ABL1: variants seen among roughly 807,000 people sequenced by gnomAD.
The protein encoded by ABL1 is tyrosine-protein kinase ABL1.
ABL1 carries 11 observed loss-of-function variants against 94.7 expected under a neutral mutation model. The ratio of observed to expected loss-of-function variants is 0.12; its 90% CI spans 0.07 to 0.19. The LOEUF is 0.19. Ranked by LOEUF, ABL1 falls within the 10% of genes least tolerant of loss-of-function variation. The pLI is 1.00. For missense variants in ABL1, 1,082 were observed against 1,489.4 expected (o/e 0.73, Z 4.50); for synonymous variants, 656 against 622.4 (o/e 1.05, Z -0.80).
intron 1 of ABL1, among the ~76,000 whole-genome samples, chr9:130,803,188 C>T (rs1288844707): frequency 3.9e-5 from 6 of 152,216 alleles, no homozygotes; most frequent in Admixed American, 2.0e-4. Flanking sequence ...TACAGGCCCG[C>T]ACCACCACGC....
rs1830934537 is a variant in ABL1 at position 130,854,113 on chromosome 9, T to C, written c.129T>C (p.Ser43=). 1.2e-6 allele frequency: 2 copies of C among 1,614,146 alleles called. No homozygotes were observed. The highest frequency in any genetic ancestry group is 1.7e-6 in the Non-Finnish European group (2 of 1,180,014). The part of the protein sequence containing the change: ...VASDFEPQGL[S]EAARWNSKEN... ...CTGACTTTGAGCCTCAGGGTCTGAG[T>C]GAAGCCGCTCGTTGGAACTCCAAGG... Residue 43 remains serine, a synonymous_variant, in exon 2 of 11, where the codon AGT becomes AGC. Transcript: ENST00000318560.
chr9:130,867,435 C>A (rs181552413), intron 4 of ABL1, among the ~76,000 whole-genome samples: 141 of 152,332 alleles, frequency 9.3e-4, no homozygotes, highest in African/African-American at 3.3e-3. Context: ...CAGTGATTCC[C>A]CTCATTTGCA....
intron 6 of ABL1, among the ~76,000 whole-genome samples, chr9:130,874,283 T>C (rs1831304971): frequency 6.6e-6 from 1 of 150,764 alleles, no homozygotes. Context: ...CAGGAGAGAG[T>C]TTTTTAGGAT....
rs2133035347 is a variant in ABL1, at chr9:130,884,252, T to G, written c.1962T>G (p.Ala654=). 1 of 1,599,886 alleles carries G rather than the reference T, an allele frequency of 6.3e-7. No homozygotes were observed. The highest frequency in any genetic ancestry group is 8.5e-7 in the Non-Finnish European group (1 of 1,173,378). ...TGGCTTTCACCCCCTTGGACACAGC[T>G]GACCCAGCCAAGTCCCCAAAGCCCA... The part of the protein sequence containing the change: ...GALAFTPLDT[A]DPAKSPKPSN... The change falls in exon 11 of 11, where the codon GCT becomes GCG. Residue 654 remains alanine (A), a synonymous_variant. Coordinates refer to ENST00000318560, the MANE Select transcript of ABL1 (RefSeq NM_005157.6). This position sits in a 1 kb window ranked among gnomAD's most constrained non-coding sequence, Gnocchi z 5.6.
At chr9:130,875,811 CCTCTCCCTCCCCTCCT>C (rs1024261522) in intron 7 of ABL1, among the ~76,000 whole-genome samples, 9 of 152,042 alleles carry the variant, frequency 5.9e-5, no homozygotes, top group Non-Finnish European at 1.2e-4. Context: ...CCTTTCCTCC[CCTCTCCCTCCCCTCCT>C]CTCTTCTCCT....
At chr9:130,836,026 C>T (rs1830576278) in intron 1 of ABL1, among the ~76,000 whole-genome samples, 1 of 152,260 alleles carries the variant, frequency 6.6e-6, no homozygotes, top group African/African-American at 2.4e-5. Context: ...ATGCGATTTC[C>T]ATTAAGCATC....
At chr9:130,727,499 A>G (rs981151244) in intron 1 of ABL1, among the ~76,000 whole-genome samples, 4 of 152,196 alleles carry the variant, frequency 2.6e-5, no homozygotes, top group African/African-American at 9.6e-5. Context: ...GTGGTGGCAC[A>G]CGCCTGTAAT....
At chr9:130,867,027 CT>C (rs201374636) in intron 4 of ABL1, among the ~76,000 whole-genome samples, 1 of 152,070 alleles carries the variant, frequency 6.6e-6, no homozygotes, top group African/African-American at 2.4e-5. Flanking sequence ...ACATCAGTGT[CT>C]TTTTTTTCTA....
chr9:130,719,684 A>G (rs957935662), intron 1 of ABL1, among the ~76,000 whole-genome samples: 1 of 152,222 alleles, frequency 6.6e-6, no homozygotes, highest in African/African-American at 2.4e-5. Flanking sequence ...CTAAGGGAAT[A>G]CCATGTTATT....
At chr9:130,813,579 A>AAAAAAAG (rs1564297986) in intron 1 of ABL1, among the ~76,000 whole-genome samples, 2 of 151,278 alleles carry the variant, frequency 1.3e-5, no homozygotes, top group African/African-American at 4.9e-5. Context: ...AAAAAAAAAA[A>AAAAAAAG]AAAAAAGAAA....
chr9:130,881,629 G>A (rs1032925351), intron 10 of ABL1, among the ~76,000 whole-genome samples: 11 of 152,118 alleles, frequency 7.2e-5, no homozygotes, highest in African/African-American at 2.7e-4. Flanking sequence ...TGACACGTGG[G>A]GCTTATTACA....
chr9:130,767,748 CG>C (rs568616391), intron 1 of ABL1, among the ~76,000 whole-genome samples: 46 of 152,318 alleles, frequency 3.0e-4, no homozygotes, highest in Non-Finnish European at 6.2e-4. Flanking sequence ...GTAAAGTGCA[CG>C]TGTGCATGTG....
chr9:130,817,227 T>C (rs955480697), intron 1 of ABL1, among the ~76,000 whole-genome samples: 2 of 152,360 alleles, frequency 1.3e-5, no homozygotes, highest in African/African-American at 4.8e-5. Context: ...TAACTTCTCT[T>C]AGAAGAAAAA....
chr9:130,821,981 G>A (rs1400696153), intron 1 of ABL1, among the ~76,000 whole-genome samples: 1 of 151,926 alleles, frequency 6.6e-6, no homozygotes, highest in Non-Finnish European at 1.5e-5. Context: ...TGGGACTACA[G>A]GCACCCACCA....
chr9:130,756,984 G>A (rs543881598), intron 1 of ABL1, among the ~76,000 whole-genome samples: 34 of 152,278 alleles, frequency 2.2e-4, no homozygotes, highest in African/African-American at 7.9e-4. Context: ...ACACAGCTGT[G>A]CTCCAGAGCA....
chr9:130,802,266 T>C (rs111357002), intron 1 of ABL1, among the ~76,000 whole-genome samples: 149 of 152,104 alleles, frequency 9.8e-4, no homozygotes, highest in African/African-American at 3.2e-3. Flanking sequence ...GCTAATTTTT[T>C]GATTTTTACT....
intron 1 of ABL1, among the ~76,000 whole-genome samples, chr9:130,748,326 T>C (rs1289986186): frequency 3.3e-5 from 5 of 152,220 alleles, no homozygotes; most frequent in Non-Finnish European, 5.9e-5. Flanking sequence ...ATCTCTTTGA[T>C]TCATCTTGTC....
In ABL1 at chr9:130,884,307, C is replaced by T. The variant is rs770476733; in HGVS notation, c.2017C>T (p.Leu673Phe). The T allele has an allele frequency of 6.2e-6, 10 of 1,611,114 alleles. No individual in the cohort carries two copies. The East Asian group carries it at 2.2e-4, about 36-fold the overall frequency. The change falls in exon 11 of 11, where the codon CTC becomes TTC. Residue 673 changes from leucine (L) to phenylalanine (F), a missense_variant. Around this residue, in one of 7 missense-constraint regions of ABL1, gnomAD observed 780 missense variants for 835.8 expected, o/e 0.93. Coordinates refer to ENST00000318560, the MANE Select transcript of ABL1 (RefSeq NM_005157.6). This position sits in a 1 kb window ranked among gnomAD's most constrained non-coding sequence, Gnocchi z 5.6. ...TGGGGCTGGGGTCCCCAATGGAGCC[C>T]TCCGGGAGTCCGGGGGCTCAGGCTT... The part of the protein sequence containing the change: ...SNGAGVPNGA[L>F]RESGGSGFRS...
chr9:130,726,411 T>G (rs1272998277), intron 1 of ABL1, among the ~76,000 whole-genome samples: 1 of 152,192 alleles, frequency 6.6e-6, no homozygotes, highest in African/African-American at 2.4e-5. Flanking sequence ...TTTTTAATAT[T>G]CCCTTGTTAT....
Sources: gnomAD v4.1 joint callset for allele counts (sites outside exome capture counted in the v4.1 genomes callset) on GRCh38, gnomAD v4.1.1 for gene constraint, gnomAD v4.1.1 regional missense constraint, Gnocchi (gnomAD v3.1) non-coding constraint, MANE v1.5 for transcripts, NCBI Gene and HGNC (gene_info 2026-07-23, HGNC 2026-07-21) for gene names.